The following ANXA13 variants were observed in gnomAD, a reference collection of about 807,000 sequenced individuals.
ANXA13 encodes annexin A13.
Under a neutral mutation model 46.6 loss-of-function variants are expected in ANXA13, and 36 were observed. The ratio of observed to expected loss-of-function variants is 0.77; its 90% confidence interval spans 0.59 to 1.02. The LOEUF (loss-of-function observed/expected upper bound fraction) is 1.02. Among genes scored for constraint, ANXA13 ranks in the 50% least tolerant of loss-of-function variants. The pLI, the probability that ANXA13 is intolerant of heterozygous loss-of-function variation, is 0.00. For synonymous variants in ANXA13, 163 were observed against 152.9 expected, an observed-to-expected ratio of 1.07 and a Z score of -0.49; for missense variants, 417 against 396.5, an observed-to-expected ratio of 1.05 and a Z score of -0.44.
At chr8:123,717,958 G>C (rs1813789270) in intron 1 of ANXA13, among the ~76,000 whole-genome samples, 1 of 152,362 alleles carries the variant, frequency 6.6e-6, no homozygotes, top group Non-Finnish European at 1.5e-5. Flanking sequence ...CTGGCTTGGG[G>C]CTCACGCCCA....
intron 10 of ANXA13, among the ~76,000 whole-genome samples, chr8:123,682,264 A>G (rs1361582699): frequency 6.6e-6 from 1 of 152,242 alleles, no homozygotes; most frequent in Non-Finnish European, 1.5e-5. Flanking sequence ...CCCAGGTGCT[A>G]GAAGTGATGA....
chr8:123,710,393 T>C (rs1813633194), intron 2 of ANXA13, among the ~76,000 whole-genome samples: 1 of 152,204 alleles, frequency 6.6e-6, no homozygotes, highest in African/African-American at 2.4e-5. Flanking sequence ...GGTTTCTTTC[T>C]GGGGTGATGA....
At chr8:123,718,318 A>G (rs980048262) in intron 1 of ANXA13, among the ~76,000 whole-genome samples, 7 of 152,338 alleles carry the variant, frequency 4.6e-5, no homozygotes, top group Non-Finnish European at 7.3e-5. Context: ...GGCACTCTAA[A>G]GATCAATTTC....
chr8:123,685,001 G>C (rs570750190), intron 9 of ANXA13, among the ~76,000 whole-genome samples: 1 of 152,190 alleles, frequency 6.6e-6, no homozygotes, highest in African/African-American at 2.4e-5. Flanking sequence ...CATGATTCTC[G>C]TTATTTCCCA....
chr8:123,681,399 T>C (rs1444297739), intron 10 of ANXA13, 40 bp from the exon 11 acceptor site: 1 of 1,599,668 alleles, frequency 6.3e-7, no homozygotes, highest in African/African-American at 1.3e-5. Flanking sequence ...AGAACGTTTA[T>C]GGTGTGTTCA....
chr8:123,721,090 A>C (rs892530359), intron 1 of ANXA13, among the ~76,000 whole-genome samples: 2 of 152,040 alleles, frequency 1.3e-5, no homozygotes, highest in African/African-American at 2.4e-5. Flanking sequence ...GAGTTTGACT[A>C]TTTTAGGTAC....
rs548613868 is a variant in ANXA13, at chr8:123,690,091, C to A, written c.643-1145G>T. Among the ~76,000 whole-genome samples the A allele has an allele frequency of 7.2e-5, 11 of 152,060 alleles. No individual in the cohort carries two copies. The highest frequency in any genetic ancestry group is 1.5e-4 in the Non-Finnish European group (10 of 68,028). ...GGGGGAACTGTCCCTTCCTTAGCTG[C>A]CCCCAGTCTTTTTTGGGTTTGATGT... is the stretch of plus-strand genomic sequence containing the variant. On this transcript the variant is annotated intron_variant, in intron 8 of 10. Coordinates refer to ENST00000419625, the MANE Select transcript of ANXA13 (RefSeq NM_004306.4). This position sits in a 1 kb window ranked among gnomAD's most constrained non-coding sequence, Gnocchi z 4.6.
intron 8 of ANXA13, 68 bp downstream of exon 8, chr8:123,693,129 G>T (rs1813269940): frequency 7.2e-7 from 1 of 1,398,460 alleles, no homozygotes; most frequent in Non-Finnish European, 1.0e-6. Context: ...GCAGATCTTG[G>T]CTTCTTTTGG....
chr8:123,737,007 C>T (rs1386154077), intron 1 of ANXA13, among the ~76,000 whole-genome samples: 1 of 140,126 alleles, frequency 7.1e-6, no homozygotes, highest in Non-Finnish European at 1.5e-5. Context: ...TTCCACCACA[C>T]CTAGCTAACT....
At position 123,737,354 on chromosome 8, in the gene ANXA13, T is replaced by C; in HGVS notation, c.-20A>G. The stretch of plus-strand genomic sequence containing the variant: ...GCCCATTTTCCTTTTTCTGAGATGG[T>C]TTTTCTGTATTTCATCAAGAGATCA... On this transcript the variant is annotated 5_prime_UTR_variant, in exon 1 of 11. Transcript: ENST00000419625. 6.2e-7 allele frequency: 1 copy of C among 1,609,120 alleles called. No individual in the cohort carries two copies. Among genetic ancestry groups the C allele is most frequent in the Admixed American group, 1.7e-5 (1 of 59,788 alleles).
chr8:123,726,500 C>A (rs1015201117), intron 1 of ANXA13, among the ~76,000 whole-genome samples: 10 of 152,296 alleles, frequency 6.6e-5, no homozygotes, highest in Middle Eastern at 3.4e-3. Context: ...AGTGGGGTAG[C>A]CCTTTTGGGG....
In ANXA13 at chr8:123,694,147, A is replaced by G. The variant is rs2129844495; in HGVS notation, c.472-368T>C. 4.6e-5 allele frequency among the ~76,000 whole-genome samples: 7 copies of G among 152,250 alleles called. 1 individual carries two copies. The South Asian group carries it at 1.5e-3, about 32-fold the overall frequency. ...GGTCCCAGTCCTAAAAAACCCTGAG[A>G]GCTGGTCATGGAAGTCTAACTTGAG... is the stretch of plus-strand genomic sequence containing the variant. On this transcript the variant is annotated intron_variant, in intron 6 of 10. Coordinates refer to ENST00000419625, the MANE Select transcript of ANXA13 (RefSeq NM_004306.4).
intron 1 of ANXA13, among the ~76,000 whole-genome samples, chr8:123,731,464 A>G (rs1814115530): frequency 6.6e-6 from 1 of 152,236 alleles, no homozygotes; most frequent in African/African-American, 2.4e-5. Context: ...TCCAAATTTT[A>G]TTAAGCATCT....
intron 6 of ANXA13, among the ~76,000 whole-genome samples, chr8:123,694,123 G>T (rs1813290210): frequency 6.6e-6 from 1 of 151,998 alleles, no homozygotes; most frequent in South Asian, 2.1e-4. Flanking sequence ...ACCACTCAAG[G>T]TCCCAGTCCT....
chr8:123,711,055 C>A (rs1813648996), intron 2 of ANXA13, among the ~76,000 whole-genome samples: 1 of 152,112 alleles, frequency 6.6e-6, no homozygotes, highest in Admixed American at 6.5e-5. Flanking sequence ...CCATGAGAAA[C>A]CATGATCTCC....
intron 6 of ANXA13, among the ~76,000 whole-genome samples, chr8:123,694,252 G>C (rs971624351): frequency 6.6e-6 from 1 of 152,168 alleles, no homozygotes. Context: ...GTGTGGGTGA[G>C]AGCTATGAAT....
intron 9 of ANXA13, among the ~76,000 whole-genome samples, chr8:123,688,067 G>A (rs1054042646): frequency 1.3e-5 from 2 of 152,172 alleles, no homozygotes; most frequent in Non-Finnish European, 1.5e-5. Flanking sequence ...TTGTTGACAG[G>A]TGCCCTCAGG....
At chr8:123,725,073 A>T (rs1813957650) in intron 1 of ANXA13, among the ~76,000 whole-genome samples, 1 of 152,224 alleles carries the variant, frequency 6.6e-6, no homozygotes, top group Non-Finnish European at 1.5e-5. Context: ...TCAGCTGGCA[A>T]CATCAAATTT....
intron 1 of ANXA13, among the ~76,000 whole-genome samples, chr8:123,727,216 A>T (rs1369297269): frequency 1.3e-5 from 2 of 152,212 alleles, no homozygotes; most frequent in Non-Finnish European, 2.9e-5. Context: ...AAGAATTTTT[A>T]AAAAAGAAGA....
Sources: allele counts gnomAD v4.1 joint callset (sites outside exome capture counted in the v4.1 genomes callset), GRCh38; gene constraint gnomAD v4.1.1; non-coding constraint Gnocchi (gnomAD v3.1); transcripts MANE v1.5; gene names NCBI Gene and HGNC (gene_info 2026-07-23, HGNC 2026-07-21).